The following CCDC88C variants were observed in gnomAD, a reference collection of about 807,000 sequenced individuals.
The protein encoded by CCDC88C is coiled-coil and HOOK domain protein 88C.
CCDC88C carries 131 observed loss-of-function variants against 198.8 expected under a neutral mutation model. The observed-to-expected ratio is 0.66, with a 90% CI of 0.57 to 0.76. The LOEUF (loss-of-function observed/expected upper bound fraction) is 0.76, where lower values mean the gene tolerates loss of function less well. Ranked by LOEUF, CCDC88C falls within the 30% of genes least tolerant of loss-of-function variation. The pLI, the probability that CCDC88C is intolerant of heterozygous loss-of-function variation, is 0.00. For missense variants in CCDC88C, 2,553 were observed against 2,631.6 expected, an observed-to-expected ratio of 0.97 and a Z score of 0.65; for synonymous variants, 1,166 against 1,114.7, an observed-to-expected ratio of 1.05 and a Z score of -0.92.
chr14:91,379,968 G>A (rs1955316251), intron 3 of CCDC88C: 1 of 698,256 alleles, frequency 1.4e-6, no homozygotes, highest in Non-Finnish European at 2.6e-6. Context: ...TATCGAAAGG[G>A]GTAAAACTGT....
intron 2 of CCDC88C, among the ~76,000 whole-genome samples, chr14:91,412,512 G>A (rs1370797618): frequency 6.6e-6 from 1 of 151,458 alleles, no homozygotes; most frequent in Non-Finnish European, 1.5e-5. Flanking sequence ...TTGGCTCACT[G>A]CAAGCTCTGC....
At chr14:91,294,689 T>C (rs1402348148) in intron 22 of CCDC88C, among the ~76,000 whole-genome samples, 3 of 152,234 alleles carry the variant, frequency 2.0e-5, no homozygotes, top group African/African-American at 7.2e-5. Context: ...AGTTTTGCTC[T>C]TGTTGCCCAG....
At chr14:91,372,454 C>A (rs1462010847) in intron 3 of CCDC88C, among the ~76,000 whole-genome samples, 1 of 144,064 alleles carries the variant, frequency 6.9e-6, no homozygotes, top group Non-Finnish European at 1.5e-5. Context: ...AGAAAAGCTC[C>A]AAGAAGGAGG....
At chr14:91,300,527 A>G (rs1293260411) in intron 20 of CCDC88C, among the ~76,000 whole-genome samples, 1 of 152,222 alleles carries the variant, frequency 6.6e-6, no homozygotes, top group Admixed American at 6.5e-5. Flanking sequence ...CAAGGGCTGG[A>G]GAAGCCTCTC....
intron 13 of CCDC88C, among the ~76,000 whole-genome samples, chr14:91,317,604 T>C (rs1167973827): frequency 6.6e-6 from 1 of 151,914 alleles, no homozygotes; most frequent in Admixed American, 6.6e-5. Flanking sequence ...CCCTGCAGGG[T>C]CGGGCCAGAT....
chr14:91,278,844 TA>T (rs1449168185), intron 28 of CCDC88C, among the ~76,000 whole-genome samples: 1 of 146,170 alleles, frequency 6.8e-6, no homozygotes, highest in Non-Finnish European at 1.5e-5. Flanking sequence ...TCATGTATTT[TA>T]AAAATTATAA....
At chr14:91,397,904 T>C (rs1361539976) in intron 3 of CCDC88C, among the ~76,000 whole-genome samples, 2 of 152,222 alleles carry the variant, frequency 1.3e-5, no homozygotes, top group Non-Finnish European at 2.9e-5. Flanking sequence ...AGCCTGGCTT[T>C]TAGAAAGAAG....
intron 20 of CCDC88C, among the ~76,000 whole-genome samples, chr14:91,303,351 A>G (rs1263056714): frequency 1.6e-5 from 2 of 126,544 alleles, no homozygotes; most frequent in African/African-American, 3.1e-5. Context: ...CACCCTTCTC[A>G]CGAGGCCCCC....
At chr14:91,307,930 CAT>C (rs1305557718) in intron 17 of CCDC88C, among the ~76,000 whole-genome samples, 8 of 152,240 alleles carry the variant, frequency 5.3e-5, no homozygotes, top group Non-Finnish European at 7.3e-5. Flanking sequence ...TGTGTTCACA[CAT>C]GTGGCAAATA....
At chr14:91,314,256 T>A in intron 14 of CCDC88C, 106 bp from the exon 15 acceptor site, 1 of 906,544 alleles carries the variant, frequency 1.1e-6, no homozygotes, top group Non-Finnish European at 1.7e-6. Flanking sequence ...ACGGCTGTCC[T>A]ACCTGTGCTC....
At position 91,416,788 on chromosome 14, in the gene CCDC88C, C is replaced by CATA. The variant is rs1431235269; in HGVS notation, c.108_110dup (p.Thr36_Met37insIle). 1 of 1,613,726 alleles carries CATA rather than the reference C, an allele frequency of 6.2e-7. No homozygotes were observed. On this transcript the variant is annotated inframe_insertion, in exon 2 of 30. Transcript: ENST00000389857. ...AGATGCCGTCCACTAAATCCATGTA[C>CATA]ATAGTCAGGTTGTCCTGGCTGCCGC...
At chr14:91,301,611 G>T (rs1482599549) in intron 20 of CCDC88C, among the ~76,000 whole-genome samples, 1 of 152,176 alleles carries the variant, frequency 6.6e-6, no homozygotes, top group Non-Finnish European at 1.5e-5. Flanking sequence ...CAGCTACTTG[G>T]GAGGCTGAAG....
At chr14:91,365,179 T>G (rs1437996514) in intron 3 of CCDC88C, among the ~76,000 whole-genome samples, 2 of 150,520 alleles carry the variant, frequency 1.3e-5, no homozygotes, top group Non-Finnish European at 3.0e-5. Flanking sequence ...CCCTCACCCC[T>G]CACCCCTCAC....
chr14:91,324,487 T>C (rs967686807), intron 12 of CCDC88C, among the ~76,000 whole-genome samples: 2 of 152,264 alleles, frequency 1.3e-5, no homozygotes, highest in African/African-American at 2.4e-5. Context: ...AGAGAGCCTC[T>C]GGGTGTCAGT....
At chr14:91,367,414 TAGC>T (rs1166879396) in intron 3 of CCDC88C, among the ~76,000 whole-genome samples, 3 of 152,172 alleles carry the variant, frequency 2.0e-5, no homozygotes, top group Non-Finnish European at 4.4e-5. Context: ...AAGACTGAAA[TAGC>T]AGAAGCATGA....
intron 2 of CCDC88C, among the ~76,000 whole-genome samples, chr14:91,412,259 A>C: frequency 6.6e-6 from 1 of 152,228 alleles, no homozygotes; most frequent in African/African-American, 2.4e-5. Context: ...AAGAGTCCAT[A>C]TTTGTATAAA....
At chr14:91,312,777 C>A (rs959010041) in intron 15 of CCDC88C, among the ~76,000 whole-genome samples, 2 of 149,154 alleles carry the variant, frequency 1.3e-5, no homozygotes, top group African/African-American at 5.2e-5. Flanking sequence ...AAAACCACAA[C>A]ATAATTAATA....
chr14:91,402,513 G>T (rs1374188272), intron 3 of CCDC88C, among the ~76,000 whole-genome samples: 1 of 152,114 alleles, frequency 6.6e-6, no homozygotes, highest in Non-Finnish European at 1.5e-5. Flanking sequence ...GTGTGTGTGT[G>T]TACACAAGTG....
At chr14:91,353,294 T>C (rs1439759859) in intron 4 of CCDC88C, among the ~76,000 whole-genome samples, 1 of 152,128 alleles carries the variant, frequency 6.6e-6, no homozygotes, top group Non-Finnish European at 1.5e-5. Flanking sequence ...TGCCCAGATA[T>C]TGCCTCCTCC....
Sources: allele counts gnomAD v4.1 joint callset (sites outside exome capture counted in the v4.1 genomes callset), GRCh38; gene constraint gnomAD v4.1.1; transcripts MANE v1.5; gene names NCBI Gene and HGNC (gene_info 2026-07-23, HGNC 2026-07-21).